CDKAL1: variants seen among roughly 807,000 people sequenced by gnomAD.
The protein encoded by CDKAL1 is CDKAL1 threonylcarbamoyladenosine tRNA methylthiotransferase.
In CDKAL1, 32 loss-of-function variants were observed where a neutral mutation model predicts 68.2. The observed-to-expected ratio is 0.47, with a 90% confidence interval of 0.35 to 0.63. CDKAL1 has a LOEUF of 0.63. Ranked by LOEUF, CDKAL1 falls within the 30% of genes least tolerant of loss-of-function variation. The pLI is 0.00. For missense variants in CDKAL1, 606 were observed against 696.7 expected, an observed-to-expected ratio of 0.87 and a Z score of 1.47; for synonymous variants, 234 against 244.3, an observed-to-expected ratio of 0.96 and a Z score of 0.39.
intron 10 of CDKAL1, among the ~76,000 whole-genome samples, chr6:20,968,294 G>A (rs1765428032): frequency 6.6e-6 from 1 of 151,520 alleles, no homozygotes; most frequent in Non-Finnish European, 1.5e-5. Context: ...AAGCAGCTGG[G>A]GCTACAGGTG....
intron 8 of CDKAL1, among the ~76,000 whole-genome samples, chr6:20,827,836 A>G (rs1188154692): frequency 1.3e-5 from 2 of 152,084 alleles, no homozygotes; most frequent in East Asian, 1.9e-4. Flanking sequence ...ATATACTTCT[A>G]TGTTATTGTT....
intron 8 of CDKAL1, among the ~76,000 whole-genome samples, chr6:20,830,073 C>G (rs12215186): frequency 0.31 from 47,303 of 151,970 alleles, 7,653 homozygotes; most frequent in East Asian, 0.53. Context: ...CCAGGCTGGT[C>G]TTGAACTCCT....
At chr6:20,637,045 AAAAAAAAG>A (rs1347678623) in intron 4 of CDKAL1, among the ~76,000 whole-genome samples, 38 of 143,792 alleles carry the variant, frequency 2.6e-4, no homozygotes, top group East Asian at 7.9e-4. Flanking sequence ...TCAAAAAAAA[AAAAAAAAG>A]AAAAAAGAAA....
intron 5 of CDKAL1, 44 bp from the exon 6 acceptor site, chr6:20,739,475 C>T (rs1773347614): frequency 8.1e-7 from 1 of 1,231,524 alleles, no homozygotes; most frequent in African/African-American, 1.5e-5. Flanking sequence ...AAGAGTATAC[C>T]CATGAGCAAA....
At chr6:20,646,946 T>C (rs563486892) in intron 4 of CDKAL1, among the ~76,000 whole-genome samples, 3 of 152,278 alleles carry the variant, frequency 2.0e-5, no homozygotes, top group African/African-American at 7.2e-5. Context: ...GGTTTCATCA[T>C]GTTGGCCAGG....
chr6:21,201,770 T>C lies in CDKAL1; in HGVS notation c.1548+496T>C, dbSNP rs192404597. Among the ~76,000 whole-genome samples, 1,274 of 152,278 alleles carry C rather than the reference T, an allele frequency of 8.4e-3. 6 individuals are homozygous for C. The highest frequency in any genetic ancestry group is 0.014 in the Non-Finnish European group (956 of 68,016). On this transcript the variant is annotated intron_variant, in intron 15 of 15. Coordinates refer to ENST00000274695, the MANE Select transcript of CDKAL1 (RefSeq NM_017774.3). ...AGTCATGTGGAGTGAAAATTAAACA[T>C]TTTTTTCTTTCTATAAAAAAGTAAC... is the stretch of plus-strand genomic sequence containing the variant.
intron 9 of CDKAL1, among the ~76,000 whole-genome samples, chr6:20,892,833 C>T (rs952942733): frequency 6.6e-6 from 1 of 152,168 alleles, no homozygotes; most frequent in Non-Finnish European, 1.5e-5. Flanking sequence ...TTGCCTTAAG[C>T]ATCTGTCAAT....
At chr6:21,088,851 A>C (rs1482208954) in intron 12 of CDKAL1, among the ~76,000 whole-genome samples, 1 of 152,198 alleles carries the variant, frequency 6.6e-6, no homozygotes, top group African/African-American at 2.4e-5. Flanking sequence ...CTGAGGTGGG[A>C]GAAGCACTTG....
At chr6:20,754,527 A>G (rs1274842577) in intron 6 of CDKAL1, among the ~76,000 whole-genome samples, 1 of 152,082 alleles carries the variant, frequency 6.6e-6, no homozygotes, top group African/African-American at 2.4e-5. Flanking sequence ...TACGGTTCTG[A>G]TTTGCATTTC....
intron 6 of CDKAL1, among the ~76,000 whole-genome samples, chr6:20,748,251 G>A (rs1773745883): frequency 6.6e-6 from 1 of 152,092 alleles, no homozygotes; most frequent in Non-Finnish European, 1.5e-5. Context: ...CAACTCAAGA[G>A]GCTGAAGTGA....
intron 2 of CDKAL1, among the ~76,000 whole-genome samples, chr6:20,537,808 A>G (rs551650049): frequency 1.3e-5 from 2 of 152,108 alleles, no homozygotes; most frequent in South Asian, 2.1e-4. Flanking sequence ...CCATTTAGCT[A>G]TTACGCTGCT....
intron 5 of CDKAL1, among the ~76,000 whole-genome samples, chr6:20,679,034 A>G (rs973176255): frequency 6.6e-6 from 1 of 152,118 alleles, no homozygotes; most frequent in Non-Finnish European, 1.5e-5. Context: ...CCTCCCTAGT[A>G]TCTATGACTA....
chr6:21,208,873 T>C (rs1365522496), intron 15 of CDKAL1, among the ~76,000 whole-genome samples: 1 of 152,210 alleles, frequency 6.6e-6, no homozygotes, highest in Non-Finnish European at 1.5e-5. Context: ...CTGTGTTTAG[T>C]GTGTTTACAA....
chr6:20,778,956 C>T (rs762413811), intron 7 of CDKAL1, among the ~76,000 whole-genome samples: 11 of 152,238 alleles, frequency 7.2e-5, no homozygotes, highest in Middle Eastern at 6.8e-3. Context: ...TACCTTGTGG[C>T]GCAGTCAAGT....
chr6:20,804,509 A>G (rs1186379229), intron 8 of CDKAL1, among the ~76,000 whole-genome samples: 2 of 152,258 alleles, frequency 1.3e-5, no homozygotes, highest in Non-Finnish European at 2.9e-5. Context: ...AAGAAACATA[A>G]TAATTTGTGA....
chr6:21,049,879 A>G lies in CDKAL1; in HGVS notation c.1056-15169A>G, dbSNP rs1034890778. On this transcript the variant is annotated intron_variant, in intron 11 of 15. Coordinates refer to ENST00000274695, the MANE Select transcript of CDKAL1 (RefSeq NM_017774.3). ...TCCAAGTGTCAGAAACAATTTTTCCATACACTTGATCAGTTTTTACCACAA... is the reference window on the plus strand; with the variant it reads ...TCCAAGTGTCAGAAACAATTTTTCCGTACACTTGATCAGTTTTTACCACAA... Among the ~76,000 whole-genome samples, 14 of 150,554 alleles carry G rather than the reference A, an allele frequency of 9.3e-5. No homozygotes were observed. In the East Asian group the frequency reaches 2.7e-3, roughly 29 times the overall value.
At chr6:21,151,024 A>G (rs1291163785) in intron 13 of CDKAL1, among the ~76,000 whole-genome samples, 2 of 152,222 alleles carry the variant, frequency 1.3e-5, no homozygotes, top group Non-Finnish European at 2.9e-5. Flanking sequence ...AAAGATACCA[A>G]ATGTTACTCA....
At chr6:20,725,094 C>T (rs1301512678) in intron 5 of CDKAL1, among the ~76,000 whole-genome samples, 3 of 152,108 alleles carry the variant, frequency 2.0e-5, no homozygotes, top group Non-Finnish European at 4.4e-5. Context: ...TTAAGGTCTT[C>T]GGATATACTG....
At chr6:21,117,375 C>T (rs7764365) in intron 13 of CDKAL1, among the ~76,000 whole-genome samples, 17,145 of 151,162 alleles carry the variant, frequency 0.11, 1,007 homozygotes, top group Middle Eastern at 0.14. Context: ...AGTTGGTTCT[C>T]GCCTGTAATC....
Sources: allele counts gnomAD v4.1 joint callset (sites outside exome capture counted in the v4.1 genomes callset), GRCh38; gene constraint gnomAD v4.1.1; transcripts MANE v1.5; gene names NCBI Gene and HGNC (gene_info 2026-07-23, HGNC 2026-07-21).